The following SACM1L variants were observed in gnomAD, a reference collection of about 807,000 sequenced individuals.
SACM1L encodes phosphatidylinositol-3-phosphatase SAC1.
A neutral mutation model predicts 89.5 loss-of-function variants in SACM1L; 32 were observed. The ratio of observed to expected loss-of-function variants is 0.36; its 90% CI spans 0.27 to 0.48. The LOEUF (loss-of-function observed/expected upper bound fraction) is 0.48, where lower values mean the gene tolerates loss of function less well. Ranked by LOEUF, SACM1L falls within the 20% of genes least tolerant of loss-of-function variation. The pLI is 0.99. For missense variants in SACM1L, 543 were observed against 708.5 expected, an observed-to-expected ratio of 0.77 and a Z score of 2.65; for synonymous variants, 213 against 232.8, an observed-to-expected ratio of 0.92 and a Z score of 0.77.
In SACM1L at chr3:45,743,791, T is replaced by A; in HGVS notation, c.*122T>A. On this transcript the variant is annotated 3_prime_UTR_variant, in exon 20 of 20. Transcript: ENST00000389061. ...TAATGCCTTTATCCAAAAGCACATC[T>A]TGTGCTCCATGCAGGATGATGACAG... 2.1e-6 allele frequency: 2 copies of A among 962,102 alleles called. No homozygotes were observed. Among genetic ancestry groups the A allele is most frequent in the Non-Finnish European group, 3.0e-6 (2 of 657,818 alleles). 59.6% of individuals were successfully genotyped at this position (962,102 alleles called of 1,614,324 possible).
chr3:45,741,246 T>C (rs1699307230), intron 19 of SACM1L, among the ~76,000 whole-genome samples: 1 of 152,182 alleles, frequency 6.6e-6, no homozygotes, highest in Non-Finnish European at 1.5e-5. Context: ...AGAGTGTCTC[T>C]CCCACACAGA....
Position 45,706,870 on chromosome 3 carries a change from C to G in SACM1L, c.296C>G (p.Ser99Cys). Residue 99 changes from serine to cysteine, a missense_variant, in exon 4 of 20, where the codon TCT becomes TGT. Around this residue, in one of 2 missense-constraint regions of SACM1L, gnomAD observed 173 missense variants for 180.9 expected, o/e 0.96. Transcript: ENST00000389061. Reference protein sequence around the residue: ...VWKATDFDVLSYKKTMLHLTD... With the variant: ...VWKATDFDVLCYKKTMLHLTD... ...AAAGCAACAGATTTTGATGTCCTTT[C>G]TTATAAGAAGACAATGTTGCACTTA... is the stretch of plus-strand genomic sequence containing the variant. The G allele has an allele frequency of 6.2e-7, 1 of 1,613,152 alleles. No homozygotes were observed. The highest frequency in any genetic ancestry group is 8.5e-7 in the Non-Finnish European group (1 of 1,179,502).
In SACM1L at chr3:45,745,361, CATGTACTGT is replaced by C. The variant is rs1418189093; in HGVS notation, c.*1697_*1705del. On this transcript the variant is annotated 3_prime_UTR_variant, in exon 20 of 20. Transcript: ENST00000389061. ...CCTGCGACGATTTTATTTCTAAATT[CATGTACTGT>C]ATGTCCATAAGTGAAAATAAAATGT... is the stretch of plus-strand genomic sequence containing the variant. 1 of 152,656 alleles carries C rather than the reference CATGTACTGT, an allele frequency of 6.6e-6. No individual in the cohort carries two copies. The highest frequency in any genetic ancestry group is 1.5e-5 in the Non-Finnish European group (1 of 68,050). The allele number at this position is 152,656 out of a possible 1,614,324, so 9.5% of individuals were successfully genotyped here. A position where few individuals can be genotyped will look rare whatever the true frequency, so the allele number is the denominator to read the frequency against.
intron 1 of SACM1L, among the ~76,000 whole-genome samples, chr3:45,699,371 G>A (rs2742435): frequency 0.41 from 62,580 of 150,980 alleles, 14,788 homozygotes; most frequent in Middle Eastern, 0.56. Context: ...CTGGGCTCTG[G>A]TTTATGTAGC....
intron 8 of SACM1L, among the ~76,000 whole-genome samples, chr3:45,721,399 G>A (rs570013254): frequency 1.3e-5 from 2 of 152,340 alleles, no homozygotes; most frequent in Non-Finnish European, 2.9e-5. Flanking sequence ...GCGCATGCCT[G>A]TAATCCCAGC....
At chr3:45,723,226 A>G (rs1293748649) in intron 10 of SACM1L, among the ~76,000 whole-genome samples, 2 of 152,136 alleles carry the variant, frequency 1.3e-5, no homozygotes, top group African/African-American at 4.8e-5. Context: ...TTTTTAGGGT[A>G]CTTAATATAT....
At chr3:45,703,977 AAAATATAC>A (rs958549395) in intron 2 of SACM1L, among the ~76,000 whole-genome samples, 34 of 152,216 alleles carry the variant, frequency 2.2e-4, no homozygotes, top group Non-Finnish European at 4.1e-4. Context: ...AATGAAAAAT[AAAATATAC>A]TTCACTGACT....
At chr3:45,719,436 A>T in intron 7 of SACM1L, 64 bp from the exon 8 acceptor site, 1 of 938,036 alleles carries the variant, frequency 1.1e-6, no homozygotes, top group Middle Eastern at 3.1e-4. Context: ...AGATAGATGC[A>T]AACAATCTAG....
chr3:45,707,140 A>G (rs2673038), intron 4 of SACM1L: 162,936 of 342,968 alleles, frequency 0.48, 40,788 homozygotes, highest in Middle Eastern at 0.55. Context: ...GCAATTTCAT[A>G]TGGAGAGAAG....
At chr3:45,706,682 CATTCTACTAGCCTTTAA>C (rs1378513228) in intron 3 of SACM1L, 81 bp from the exon 4 acceptor site, 8 of 1,010,644 alleles carry the variant, frequency 7.9e-6, no homozygotes, top group Admixed American at 2.6e-5. Flanking sequence ...AATATAGTCT[CATTCTACTAGCCTTTAA>C]AGTTAAACAA....
chr3:45,731,623 C>T (rs1053620644), intron 12 of SACM1L, among the ~76,000 whole-genome samples: 47 of 152,202 alleles, frequency 3.1e-4, no homozygotes, highest in African/African-American at 1.1e-3. Context: ...GCTTTGTGCT[C>T]CAGAGAGTTT....
At position 45,735,275 on chromosome 3, in the gene SACM1L, C is replaced by G. The variant is rs1699173043; in HGVS notation, c.1141C>G (p.Gln381Glu). The change falls in exon 14 of 20, where the codon CAG (glutamine) becomes GAG (glutamate). Residue 381 changes from glutamine (Q) to glutamate (E), a missense_variant. Physicochemically the swap from Gln to Glu is conservative, Grantham distance 29. Around this residue, in one of 2 missense-constraint regions of SACM1L, gnomAD observed 370 missense variants for 527.6 expected, o/e 0.70. Coordinates refer to ENST00000389061, the MANE Select transcript of SACM1L (RefSeq NM_014016.5). ...CTCTGCTGGCCAGGTGGTGGCAAAC[C>G]AGGAAGGCGTGTTCCGAAGCAATTG... ...VDSAGQVVAN[Q>E]EGVFRSNCMD... 6.2e-7 allele frequency: 1 copy of G among 1,612,876 alleles called. No individual in the cohort carries two copies. The highest frequency in any genetic ancestry group is 8.5e-7 in the Non-Finnish European group (1 of 1,179,714).
chr3:45,709,800 T>A (rs1208896950), intron 5 of SACM1L, among the ~76,000 whole-genome samples, 153 bp downstream of exon 5: 1 of 152,222 alleles, frequency 6.6e-6, no homozygotes, highest in East Asian at 1.9e-4. Context: ...TAAATATACA[T>A]CACAATCCCA....
At chr3:45,709,014 GA>G (rs1698460872) in intron 4 of SACM1L, among the ~76,000 whole-genome samples, 1 of 152,154 alleles carries the variant, frequency 6.6e-6, no homozygotes, top group Non-Finnish European at 1.5e-5. Context: ...CCAAACCAGG[GA>G]ACGTTTCTTG....
rs1408703492 is a variant in SACM1L at position 45,744,914 on chromosome 3, C to T, written c.*1245C>T. The T allele has an allele frequency of 6.6e-6, 1 of 152,206 alleles. No individual in the cohort carries two copies. Among genetic ancestry groups the T allele is most frequent in the South Asian group, 2.1e-4 (1 of 4,824 alleles). The allele number at this position is 152,206 out of a possible 1,614,324, so 9.4% of individuals were successfully genotyped here. The stretch of plus-strand genomic sequence containing the variant: ...GCTTGAAAATATGTACAGTTTTTTT[C>T]CAATATTAATACCTTATGTTGTCCT... On this transcript the variant is annotated 3_prime_UTR_variant, in exon 20 of 20. Coordinates refer to ENST00000389061, the MANE Select transcript of SACM1L (RefSeq NM_014016.5).
intron 11 of SACM1L, among the ~76,000 whole-genome samples, chr3:45,727,271 T>G (rs938475247): frequency 1.3e-5 from 2 of 152,254 alleles, no homozygotes; most frequent in African/African-American, 4.8e-5. Context: ...ATTTTTTCTT[T>G]GAACCAGTGG....
chr3:45,691,754 A>G (rs1188281333), intron 1 of SACM1L, among the ~76,000 whole-genome samples: 2 of 152,148 alleles, frequency 1.3e-5, no homozygotes, highest in African/African-American at 2.4e-5. Context: ...AGCTAGGACT[A>G]CAGATGCACA....
At chr3:45,737,448 A>G (rs1449814501) in intron 14 of SACM1L, 135 bp from the exon 15 acceptor site, 5 of 883,854 alleles carry the variant, frequency 5.7e-6, no homozygotes, top group Non-Finnish European at 7.3e-6. Flanking sequence ...GGGGCCCCCT[A>G]TAGACAACAG....
At chr3:45,699,340 TA>T (rs542328142) in intron 1 of SACM1L, among the ~76,000 whole-genome samples, 1 of 151,000 alleles carries the variant, frequency 6.6e-6, no homozygotes, top group Non-Finnish European at 1.5e-5. Flanking sequence ...AATAAAAAAA[TA>T]AAAAAATGCT....
Sources: gnomAD v4.1 joint callset for allele counts (sites outside exome capture counted in the v4.1 genomes callset) on GRCh38, gnomAD v4.1.1 for gene constraint, gnomAD v4.1.1 regional missense constraint, MANE v1.5 for transcripts, NCBI Gene and HGNC (gene_info 2026-07-23, HGNC 2026-07-21) for gene names.